ADAMTSL1: variants seen among roughly 807,000 people sequenced by gnomAD.
ADAMTSL1 encodes the protein ADAMTS like 1, also known as ADAMTS-like protein 1.
A neutral mutation model predicts 201.8 loss-of-function variants in ADAMTSL1; 126 were observed. The ratio of observed to expected loss-of-function variants is 0.62; its 90% confidence interval spans 0.54 to 0.72. The LOEUF (loss-of-function observed/expected upper bound fraction) is 0.72, where lower values mean the gene tolerates loss of function less well. ADAMTSL1 is among the 30% of genes least tolerant of loss of function. The probability of loss-of-function intolerance (pLI) is 0.00; values close to 1 mark genes in which losing one functional copy is unlikely to be tolerated. For missense variants in ADAMTSL1, 2,679 were observed against 2,277.8 expected, an observed-to-expected ratio of 1.18 and a Z score of -3.59; for synonymous variants, 1,121 against 903.4, an observed-to-expected ratio of 1.24 and a Z score of -4.32.
At chr9:17,929,757 C>T (rs1439606667) in intron 1 of ADAMTSL1, among the ~76,000 whole-genome samples, 1 of 152,136 alleles carries the variant, frequency 6.6e-6, no homozygotes, top group Non-Finnish European at 1.5e-5. Context: ...AAGTCCTGAC[C>T]CTGGACTTCC....
At chr9:18,186,803 G>A (rs1828754346) in intron 2 of ADAMTSL1, among the ~76,000 whole-genome samples, 1 of 151,300 alleles carries the variant, frequency 6.6e-6, no homozygotes, top group Non-Finnish European at 1.5e-5. Flanking sequence ...TTATCATATT[G>A]TGCCAGCAGT....
At chr9:18,260,826 T>C (rs764438082) in intron 2 of ADAMTSL1, among the ~76,000 whole-genome samples, 1 of 152,164 alleles carries the variant, frequency 6.6e-6, no homozygotes, top group Non-Finnish European at 1.5e-5. Context: ...AAAACTGTAA[T>C]GCTTTGCTTG....
intron 2 of ADAMTSL1, among the ~76,000 whole-genome samples, chr9:18,337,055 G>T (rs1835269997): frequency 1.3e-5 from 2 of 152,126 alleles, no homozygotes; most frequent in South Asian, 4.1e-4. Flanking sequence ...TCCTAGGTGT[G>T]TCTGTGAGGG....
intron 2 of ADAMTSL1, among the ~76,000 whole-genome samples, chr9:18,416,187 A>G (rs1018734655): frequency 4.6e-5 from 7 of 152,122 alleles, no homozygotes; most frequent in African/African-American, 1.2e-4. Flanking sequence ...CCTATAAATG[A>G]TAATCGACAT....
chr9:18,219,268 G>C (rs1009841674), intron 2 of ADAMTSL1, among the ~76,000 whole-genome samples: 2 of 151,656 alleles, frequency 1.3e-5, no homozygotes, highest in Admixed American at 6.6e-5. Flanking sequence ...GGGCCTTATA[G>C]ATTATACGGA....
Position 18,889,735 on chromosome 9 carries a change from G to A in ADAMTSL1, c.4630G>A (p.Asp1544Asn). 6.6e-7 allele frequency: 1 copy of A among 1,507,718 alleles called. No individual in the cohort carries two copies. The highest frequency in any genetic ancestry group is 8.9e-7 in the Non-Finnish European group (1 of 1,127,670). The allele number at this position is 1,507,718 out of a possible 1,614,324, so 93.4% of individuals were successfully genotyped here. Residue 1544 changes from aspartate (D) to asparagine (N), a missense_variant, in exon 25 of 29, where the codon GAC (aspartate) becomes AAC (asparagine). Transcript: ENST00000380548. Reference protein sequence around the residue: ...AVQPIACNRRDCPSRWMVTSW... With the variant: ...AVQPIACNRRNCPSRWMVTSW... The stretch of plus-strand genomic sequence containing the variant: ...GCAGCCCATCGCGTGCAACCGGAGA[G>A]ACTGCCCTTCTCGGTGAGTGCAGCG...
upstream of ADAMTSL1, among the ~76,000 whole-genome samples, chr9:18,470,336 C>A (rs1161552304): frequency 6.6e-6 from 1 of 152,162 alleles, no homozygotes; most frequent in Non-Finnish European, 1.5e-5. Flanking sequence ...GGTGAGTTGG[C>A]AAGTTGTGGA....
chr9:18,457,366 C>T (rs1267882411), intron 2 of ADAMTSL1, among the ~76,000 whole-genome samples: 4 of 152,202 alleles, frequency 2.6e-5, no homozygotes, highest in Non-Finnish European at 5.9e-5. Flanking sequence ...CAGGGTCTCA[C>T]TGTCTCCCAG....
chr9:18,744,821 A>C (rs915386190), intron 15 of ADAMTSL1, among the ~76,000 whole-genome samples: 1 of 152,200 alleles, frequency 6.6e-6, no homozygotes, highest in South Asian at 2.1e-4. Context: ...TCAGTCTTCT[A>C]TCTTTCATAT....
intron 2 of ADAMTSL1, among the ~76,000 whole-genome samples, chr9:18,175,332 A>T (rs1828092662): frequency 1.3e-5 from 2 of 152,194 alleles, no homozygotes; most frequent in Non-Finnish European, 2.9e-5. Flanking sequence ...CCAGTTCTCC[A>T]CAAACACCAG....
chr9:18,602,506 C>T (rs1258345725), intron 4 of ADAMTSL1, among the ~76,000 whole-genome samples: 1 of 152,208 alleles, frequency 6.6e-6, no homozygotes, highest in Non-Finnish European at 1.5e-5. Flanking sequence ...AAGCCCCAGA[C>T]TGGGCTTCTA....
intron 1 of ADAMTSL1, among the ~76,000 whole-genome samples, chr9:18,026,091 A>C (rs1354902141): frequency 6.6e-6 from 1 of 151,868 alleles, no homozygotes; most frequent in African/African-American, 2.4e-5. Flanking sequence ...AGTCATTATT[A>C]GTTCCAGGAG....
At chr9:18,492,944 C>G (rs1276893548) in intron 1 of ADAMTSL1, among the ~76,000 whole-genome samples, 3 of 152,148 alleles carry the variant, frequency 2.0e-5, no homozygotes, top group African/African-American at 7.2e-5. Flanking sequence ...TGTATGTACA[C>G]TCTGAAACAT....
At chr9:18,242,641 A>C (rs183139963) in intron 2 of ADAMTSL1, among the ~76,000 whole-genome samples, 14 of 152,280 alleles carry the variant, frequency 9.2e-5, no homozygotes, top group Non-Finnish European at 1.6e-4. Context: ...TAAGCTTTTA[A>C]ATAAATTGAT....
chr9:18,062,934 A>C (rs1465692607), intron 1 of ADAMTSL1, among the ~76,000 whole-genome samples: 1 of 152,170 alleles, frequency 6.6e-6, no homozygotes, highest in African/African-American at 2.4e-5. Flanking sequence ...GGTTGTTGAA[A>C]AGAAACTATT....
chr9:18,299,597 T>C (rs1833619482), intron 2 of ADAMTSL1, among the ~76,000 whole-genome samples: 2 of 152,024 alleles, frequency 1.3e-5, no homozygotes, highest in Admixed American at 1.3e-4. Flanking sequence ...GGAAGACAAA[T>C]AATGGGACGT....
intron 28 of ADAMTSL1, 144 bp from the exon 29 acceptor site, chr9:18,908,298 G>C: frequency 2.9e-6 from 2 of 698,326 alleles, no homozygotes; most frequent in Non-Finnish European, 5.0e-6. Flanking sequence ...TCAAAGTTAG[G>C]CTGGAGAGCG....
At position 18,724,098 on chromosome 9, in the gene ADAMTSL1, A is replaced by G. The variant is rs560240131; in HGVS notation, c.2006+2433A>G. On this transcript the variant is annotated intron_variant, in intron 15 of 28. Transcript: ENST00000380548. The stretch of plus-strand genomic sequence containing the variant: ...CTTTGGGGTCTTGGTCTGTGCTGCT[A>G]TGCATGTGTTTAAAAAAATACCATA... Among the ~76,000 whole-genome samples, 9 of 152,142 alleles carry G rather than the reference A, an allele frequency of 5.9e-5. No homozygotes were observed. In the South Asian group the frequency reaches 6.2e-4, roughly 11 times the overall value.
chr9:18,065,139 C>G (rs531147900), intron 1 of ADAMTSL1, among the ~76,000 whole-genome samples: 2 of 151,994 alleles, frequency 1.3e-5, no homozygotes, highest in African/African-American at 4.8e-5. Context: ...TTGTAGAAAA[C>G]TTTTTTCATG....
Sources: gnomAD v4.1 joint callset for allele counts (sites outside exome capture counted in the v4.1 genomes callset) on GRCh38, gnomAD v4.1.1 for gene constraint, MANE v1.5 for transcripts, NCBI Gene and HGNC (gene_info 2026-07-23, HGNC 2026-07-21) for gene names.